RNF17: variants seen among roughly 807,000 people sequenced by gnomAD.
RNF17 encodes the protein ring finger protein 17, also known as spermatogenesis associated 23.
In RNF17, 31 loss-of-function variants were observed where a neutral mutation model predicts 200.5. The ratio of observed to expected loss-of-function variants is 0.15; its 90% CI spans 0.12 to 0.21. The LOEUF (loss-of-function observed/expected upper bound fraction) is 0.21, where lower values mean the gene tolerates loss of function less well. Ranked by LOEUF, RNF17 falls within the 10% of genes least tolerant of loss-of-function variation. The probability of loss-of-function intolerance (pLI) is 1.00; values close to 1 mark genes in which losing one functional copy is unlikely to be tolerated. For missense variants in RNF17, 1,628 were observed against 1,905.1 expected, an observed-to-expected ratio of 0.85 and a Z score of 2.71; for synonymous variants, 606 against 637.8, an observed-to-expected ratio of 0.95 and a Z score of 0.75.
chr13:24,770,780 T>G (rs923188001), intron 2 of RNF17, among the ~76,000 whole-genome samples: 2 of 152,232 alleles, frequency 1.3e-5, no homozygotes. Context: ...CTTCATCTAT[T>G]CTCATGAAAA....
At chr13:24,851,119 C>T (rs1593430538) in intron 23 of RNF17, among the ~76,000 whole-genome samples, 1 of 152,160 alleles carries the variant, frequency 6.6e-6, no homozygotes, top group Non-Finnish European at 1.5e-5. Context: ...CTCAGCCTCC[C>T]GAGTAGCTGG....
chr13:24,868,491 A>C lies in RNF17; in HGVS notation c.4162-109A>C, dbSNP rs1304158662. ...TCTCAAAAAAAAAAAAAAAAAAAAA[A>C]AACTTGCTTTCTGCTAATTGAAAGG... On this transcript the variant is annotated intron_variant, in intron 30 of 35. Coordinates refer to ENST00000255324, the MANE Select transcript of RNF17 (RefSeq NM_031277.3). The C allele has an allele frequency of 2.8e-5, 16 of 566,202 alleles. 1 individual carries two copies. Among genetic ancestry groups the C allele is most frequent in the South Asian group, 8.7e-5 (5 of 57,392 alleles). The allele number at this position is 566,202 out of a possible 1,614,324, so 35.1% of individuals were successfully genotyped here.
downstream of RNF17, chr13:24,884,417 T>C (rs923946549): frequency 2.7e-5 from 43 of 1,614,062 alleles, no homozygotes; most frequent in Admixed American, 3.0e-4. Context: ...TCGAGTTCCA[T>C]TGGGAAACAG....
intron 18 of RNF17, among the ~76,000 whole-genome samples, chr13:24,834,610 T>G (rs1889766567): frequency 6.6e-6 from 1 of 152,070 alleles, no homozygotes; most frequent in African/African-American, 2.4e-5. Flanking sequence ...GTTTCCAACT[T>G]TACCTGGAGC....
chr13:24,812,785 C>T (rs1209083358), intron 15 of RNF17, among the ~76,000 whole-genome samples: 3 of 150,970 alleles, frequency 2.0e-5, no homozygotes, highest in African/African-American at 7.3e-5. Flanking sequence ...GGGTTCACGC[C>T]ATTCTCATGC....
intron 19 of RNF17, among the ~76,000 whole-genome samples, chr13:24,843,066 G>C (rs765222575): frequency 5.3e-5 from 8 of 151,988 alleles, no homozygotes; most frequent in Non-Finnish European, 1.0e-4. Flanking sequence ...CAAAGAAGTA[G>C]TGACACCCCA....
At chr13:24,830,797 A>G (rs1297726994) in intron 17 of RNF17, among the ~76,000 whole-genome samples, 198 bp downstream of exon 17, 1 of 152,234 alleles carries the variant, frequency 6.6e-6, no homozygotes, top group Non-Finnish European at 1.5e-5. Context: ...TTAAACATTA[A>G]TCAGGTATAG....
intron 2 of RNF17, among the ~76,000 whole-genome samples, chr13:24,774,128 G>A (rs2137506133): frequency 6.6e-6 from 1 of 152,132 alleles, no homozygotes; most frequent in African/African-American, 2.4e-5. Context: ...TGGACTTTAG[G>A]AATTCTATTG....
chr13:24,804,136 C>T, intron 14 of RNF17, 152 bp from the exon 15 acceptor site: 1 of 640,088 alleles, frequency 1.6e-6, no homozygotes. Context: ...ATGGCATGCC[C>T]CTGTGGTCCC....
downstream of RNF17, chr13:24,883,371 T>C (rs2138523215): frequency 1.3e-6 from 2 of 1,587,196 alleles, no homozygotes; most frequent in East Asian, 2.2e-5. Context: ...TTGCCATCAC[T>C]GTAAAATTTA....
intron 15 of RNF17, among the ~76,000 whole-genome samples, chr13:24,824,712 A>G (rs572875967): frequency 6.6e-6 from 1 of 152,244 alleles, no homozygotes; most frequent in African/African-American, 2.4e-5. Context: ...ATTAAGATGG[A>G]TGGTTGATAA....
chr13:24,859,103 G>A lies in RNF17; in HGVS notation c.3713G>A (p.Arg1238Lys). Reference sequence around the variant, plus strand: ...AAAAAAGGAGAAGCATGTGCAGTAAGAGGATCCGATACTCTGTGGTATCGT... The same window carrying A: ...AAAAAAGGAGAAGCATGTGCAGTAAAAGGATCCGATACTCTGTGGTATCGT... ...FWKKGEACAVRGSDTLWYRGK... is the reference protein window; with the variant it reads ...FWKKGEACAVKGSDTLWYRGK... The change falls in exon 26 of 36, where the codon AGA becomes AAA. Residue 1238 changes from arginine to lysine, a missense_variant. Around this residue, in one of 5 missense-constraint regions of RNF17, gnomAD observed 609 missense variants for 681.9 expected, o/e 0.89. Coordinates refer to ENST00000255324, the MANE Select transcript of RNF17 (RefSeq NM_031277.3). 1 of 1,613,428 alleles carries A rather than the reference G, an allele frequency of 6.2e-7. No homozygotes were observed. Among genetic ancestry groups the A allele is most frequent in the Non-Finnish European group, 8.5e-7 (1 of 1,179,564 alleles).
intron 6 of RNF17, among the ~76,000 whole-genome samples, chr13:24,783,262 C>T (rs1882673616): frequency 6.6e-6 from 1 of 152,240 alleles, no homozygotes; most frequent in Admixed American, 6.5e-5. Context: ...TATGTCTTTC[C>T]TTATGCTAGT....
intron 25 of RNF17, among the ~76,000 whole-genome samples, chr13:24,858,024 T>G (rs1314546764): frequency 6.9e-6 from 1 of 145,088 alleles, no homozygotes; most frequent in Non-Finnish European, 1.5e-5. Flanking sequence ...TTTAGGCTTA[T>G]GTGCAAATGC....
At chr13:24,758,933 G>A in the RNF17 span, among the ~76,000 whole-genome samples, 10 of 151,814 alleles carry the variant, frequency 6.6e-5, no homozygotes, top group South Asian at 6.3e-4. Context: ...AAAATTAGCC[G>A]GGCGTGGTGG....
At chr13:24,882,866 ACTT>A (rs796638364), downstream of RNF17, 85,805 of 356,646 alleles carry the variant, frequency 0.24, 11,291 homozygotes, top group Non-Finnish European at 0.29. Flanking sequence ...TACTTCCTGT[ACTT>A]CTTGGTTTTT....
chr13:24,858,217 A>G (rs1198242595), intron 25 of RNF17, among the ~76,000 whole-genome samples: 2 of 152,264 alleles, frequency 1.3e-5, no homozygotes, highest in East Asian at 3.9e-4. Context: ...TTGAAAGACA[A>G]TAAAATCGGT....
At chr13:24,884,023 A>G, downstream of RNF17, 1 of 1,614,106 alleles carries the variant, frequency 6.2e-7, no homozygotes, top group East Asian at 2.2e-5. Context: ...ATCAGGAAAT[A>G]AGTTTTTAAC....
chr13:24,838,330 C>T (rs565474123), intron 18 of RNF17, among the ~76,000 whole-genome samples: 5 of 152,268 alleles, frequency 3.3e-5, no homozygotes, highest in African/African-American at 1.2e-4. Context: ...CTAATTCATT[C>T]TATGAAGCCA....
Sources: allele counts gnomAD v4.1 joint callset (sites outside exome capture counted in the v4.1 genomes callset), GRCh38; gene constraint gnomAD v4.1.1; regional missense constraint gnomAD v4.1.1; transcripts MANE v1.5; gene names NCBI Gene and HGNC (gene_info 2026-07-23, HGNC 2026-07-21).